OSBPL9: variants seen among roughly 807,000 people sequenced by gnomAD.
The protein encoded by OSBPL9 is oxysterol-binding protein-related protein 9.
OSBPL9 carries 40 observed loss-of-function variants against 106.6 expected under a neutral mutation model. The observed-to-expected ratio is 0.38, with a 90% CI of 0.29 to 0.49. The LOEUF (loss-of-function observed/expected upper bound fraction) is 0.49. Among genes scored for constraint, OSBPL9 ranks in the 20% least tolerant of loss-of-function variants. The probability of loss-of-function intolerance (pLI) is 0.97; values close to 1 mark genes in which losing one functional copy is unlikely to be tolerated. For missense variants in OSBPL9, 609 were observed against 887.2 expected, an observed-to-expected ratio of 0.69 and a Z score of 3.98; for synonymous variants, 269 against 295.4, an observed-to-expected ratio of 0.91 and a Z score of 0.92.
At chr1:51,739,671 A>G (rs965937734) in intron 4 of OSBPL9, among the ~76,000 whole-genome samples, 3 of 152,036 alleles carry the variant, frequency 2.0e-5, no homozygotes, top group Non-Finnish European at 2.9e-5. Context: ...ATAGTTGACT[A>G]TTCCTTAGGA....
At chr1:51,641,326 A>G (rs903090588) in intron 1 of OSBPL9, among the ~76,000 whole-genome samples, 3 of 151,988 alleles carry the variant, frequency 2.0e-5, no homozygotes, top group African/African-American at 4.8e-5. Flanking sequence ...TGCCCTTGTG[A>G]CCTAATCACT....
intron 1 of OSBPL9, among the ~76,000 whole-genome samples, chr1:51,640,846 G>A (rs1340499564): frequency 6.6e-6 from 1 of 150,962 alleles, no homozygotes; most frequent in Non-Finnish European, 1.5e-5. Flanking sequence ...TGCCCAGACT[G>A]GAGTGCAGTG....
intron 3 of OSBPL9, among the ~76,000 whole-genome samples, chr1:51,671,453 T>G (rs929673029): frequency 6.6e-6 from 1 of 152,184 alleles, no homozygotes; most frequent in African/African-American, 2.4e-5. Context: ...ATAAAACAAA[T>G]TCTACTGTCA....
At chr1:51,521,874 C>T in the OSBPL9 span, among the ~76,000 whole-genome samples, 1 of 152,144 alleles carries the variant, frequency 6.6e-6, no homozygotes, top group Non-Finnish European at 1.5e-5. Flanking sequence ...TCTTGTGCCT[C>T]AGCCTCCTGA....
rs1455081391 is a variant in OSBPL9, at chr1:51,771,849, G to A, written c.939-221G>A. 3.3e-5 allele frequency among the ~76,000 whole-genome samples: 5 copies of A among 152,148 alleles called. No individual in the cohort carries two copies. The East Asian group carries it at 9.6e-4, about 29-fold the overall frequency. Reference sequence around the variant, plus strand: ...TCTAGTTTTAAACTTAAATGCAGAGGCAAAGATCTCACTAATTTTTGATGA... The same window carrying A: ...TCTAGTTTTAAACTTAAATGCAGAGACAAAGATCTCACTAATTTTTGATGA... On this transcript the variant is annotated intron_variant, in intron 12 of 23. Coordinates refer to ENST00000428468, the MANE Select transcript of OSBPL9 (RefSeq NM_024586.6).
At chr1:51,780,752 G>A (rs937493197) in intron 15 of OSBPL9, among the ~76,000 whole-genome samples, 1 of 151,828 alleles carries the variant, frequency 6.6e-6, no homozygotes, top group Non-Finnish European at 1.5e-5. Context: ...GTGACAGAGC[G>A]AGACTCCGTC....
intron 2 of OSBPL9, among the ~76,000 whole-genome samples, chr1:51,602,407 CA>C (rs1295880473): frequency 6.8e-6 from 1 of 147,194 alleles, no homozygotes; most frequent in Non-Finnish European, 1.5e-5. Context: ...GTTCATGAAA[CA>C]TTTTTTTTTA....
chr1:51,697,028 C>T (rs1400251255), intron 3 of OSBPL9, among the ~76,000 whole-genome samples: 2 of 151,966 alleles, frequency 1.3e-5, no homozygotes, highest in Non-Finnish European at 2.9e-5. Context: ...GGCGTAGTGG[C>T]TTGTGCCTGT....
chr1:51,763,303 G>A (rs1369658392), intron 11 of OSBPL9, among the ~76,000 whole-genome samples: 2 of 152,086 alleles, frequency 1.3e-5, no homozygotes, highest in Admixed American at 1.3e-4. Flanking sequence ...ACCGCGCCCA[G>A]CCTGCATTTT....
intron 1 of OSBPL9, among the ~76,000 whole-genome samples, chr1:51,581,479 C>A (rs1176601831): frequency 6.6e-6 from 1 of 152,122 alleles, no homozygotes; most frequent in African/African-American, 2.4e-5. Flanking sequence ...AAAAGAAAGT[C>A]AATATGTACA....
At chr1:51,764,585 T>G (rs1470443051) in intron 11 of OSBPL9, among the ~76,000 whole-genome samples, 5 of 146,408 alleles carry the variant, frequency 3.4e-5, no homozygotes, top group Non-Finnish European at 6.1e-5. Context: ...TCTGGATTCT[T>G]TTTTTTTTTT....
chr1:51,593,052 A>G lies in OSBPL9; in HGVS notation c.-422-5072A>G, dbSNP rs915935826. ...CCTTGGAAAAGGATTGTGCTTTGTT[A>G]CAGTGAAGCTGAGGGGCTTTTTGCA... is the stretch of plus-strand genomic sequence containing the variant. On this transcript the variant is annotated intron_variant, in intron 1 of 25. Coordinates refer to the OSBPL9 transcript ENST00000371714. 3.9e-5 allele frequency among the ~76,000 whole-genome samples: 6 copies of G among 152,154 alleles called. No homozygotes were observed. In the East Asian group the frequency reaches 7.7e-4, roughly 20 times the overall value.
chr1:51,778,688 G>A (rs1028239688), intron 15 of OSBPL9, among the ~76,000 whole-genome samples: 12 of 152,096 alleles, frequency 7.9e-5, no homozygotes, highest in African/African-American at 2.9e-4. Context: ...TCATCCGTCA[G>A]GGTCTCATGA....
Position 51,642,730 on chromosome 1 carries a change from A to C in OSBPL9, c.112-9261A>C, listed in dbSNP as rs1021442206. Among the ~76,000 whole-genome samples, 15 of 152,258 alleles carry C rather than the reference A, an allele frequency of 9.9e-5. No homozygotes were observed. In the South Asian group the frequency reaches 1.0e-3, roughly 11 times the overall value. On this transcript the variant is annotated intron_variant, in intron 1 of 23. Transcript: ENST00000428468. ...TACAAATATCTAGGGAGATAGCTGT[A>C]CCCCTTTTCTTAGCACCTTGGAAGC...
chr1:51,519,160 C>T, the OSBPL9 span: 1 of 1,415,342 alleles, frequency 7.1e-7, no homozygotes, highest in East Asian at 2.8e-5. Flanking sequence ...GGAGGGGGCA[C>T]CGGCCGGCCA....
chr1:51,691,717 A>G (rs1158826209), intron 3 of OSBPL9, among the ~76,000 whole-genome samples: 1 of 151,852 alleles, frequency 6.6e-6, no homozygotes, highest in African/African-American at 2.4e-5. Context: ...TTATATCCTT[A>G]TTCTCTAAGC....
At chr1:51,544,358 A>G in the OSBPL9 span, among the ~76,000 whole-genome samples, 2 of 152,208 alleles carry the variant, frequency 1.3e-5, no homozygotes, top group African/African-American at 4.8e-5. Flanking sequence ...AGGAAAAAAA[A>G]AGAAAGATGT....
intron 4 of OSBPL9, chr1:51,730,018 G>C: frequency 7.6e-7 from 1 of 1,309,524 alleles, no homozygotes; most frequent in African/African-American, 1.5e-5. Flanking sequence ...AGACCCCGAG[G>C]GTCTGGGAGA....
At chr1:51,606,755 AT>A (rs1416715439) in intron 2 of OSBPL9, among the ~76,000 whole-genome samples, 2 of 152,202 alleles carry the variant, frequency 1.3e-5, no homozygotes, top group Non-Finnish European at 2.9e-5. Flanking sequence ...CTTGTAGAAA[AT>A]TTGGAAAACA....
Sources: allele counts gnomAD v4.1 joint callset (sites outside exome capture counted in the v4.1 genomes callset), GRCh38; gene constraint gnomAD v4.1.1; transcripts MANE v1.5; gene names NCBI Gene and HGNC (gene_info 2026-07-23, HGNC 2026-07-21).